Variants in SYNE1 observed in about 807,000 individuals in gnomAD.
SYNE1 encodes the protein nesprin-1.
Under a neutral mutation model 1,111.0 loss-of-function variants are expected in SYNE1, and 616 were observed. That is an observed-to-expected ratio of 0.55 (90% CI 0.52 to 0.59). SYNE1 has a LOEUF of 0.59. Among genes scored for constraint, SYNE1 ranks in the 20% least tolerant of loss-of-function variants. The probability of loss-of-function intolerance (pLI) is 0.00; values close to 1 mark genes in which losing one functional copy is unlikely to be tolerated. For missense variants in SYNE1, 10,006 were observed against 10,417.0 expected (o/e 0.96, Z 1.72); for synonymous variants, 3,855 against 3,825.8 (o/e 1.01, Z -0.28).
At chr6:152,624,547 G>A (rs1009570838) in intron 3 of SYNE1, among the ~76,000 whole-genome samples, 3 of 152,126 alleles carry the variant, frequency 2.0e-5, no homozygotes, top group Non-Finnish European at 4.4e-5. Context: ...TTGAATAGCA[G>A]AAAATGTATG....
In SYNE1 at chr6:152,490,455, T is replaced by C. The variant is rs567989225; in HGVS notation, c.940-1952A>G. The stretch of plus-strand genomic sequence containing the variant: ...TGCCTTAACCGATGACATTCCACCA[T>C]TGTGATTTGTTCCTGCCCCATCCTA... On this transcript the variant is annotated intron_variant, in intron 11 of 145. Coordinates refer to ENST00000367255, the MANE Select transcript of SYNE1 (RefSeq NM_182961.4). 1.1e-4 allele frequency among the ~76,000 whole-genome samples: 17 copies of C among 152,314 alleles called. No individual in the cohort carries two copies. The South Asian group carries it at 2.3e-3, about 20-fold the overall frequency.
chr6:152,595,314 T>C (rs1185251076), intron 3 of SYNE1, among the ~76,000 whole-genome samples: 1 of 152,246 alleles, frequency 6.6e-6, no homozygotes, highest in Admixed American at 6.5e-5. Context: ...GGATGTGAAC[T>C]TTTCAAGGCA....
intron 104 of SYNE1, 33 bp from the exon 105 acceptor site, chr6:152,249,295 G>T: frequency 8.6e-7 from 1 of 1,165,268 alleles, no homozygotes; most frequent in Non-Finnish European, 1.3e-6. Context: ...AACTCAAAAT[G>T]TGTAACAGGG....
In SYNE1 at chr6:152,391,040, C is replaced by T. The variant is rs116100380; in HGVS notation, c.8004+237G>A. On this transcript the variant is annotated intron_variant, in intron 52 of 145. Transcript: ENST00000367255. ...GGAGCAGAGTAGATATTCAGTAACG[C>T]TTGCTGAATATTTACTAAATCAAAT... is the stretch of plus-strand genomic sequence containing the variant. Among the ~76,000 whole-genome samples the T allele has an allele frequency of 4.7e-3, 713 of 152,284 alleles. 6 individuals carry two copies. Among genetic ancestry groups the T allele is most frequent in the African/African-American group, 0.016 (657 of 41,556 alleles).
At chr6:152,333,296 GA>G (rs1352547129) in intron 77 of SYNE1, among the ~76,000 whole-genome samples, 1 of 151,984 alleles carries the variant, frequency 6.6e-6, no homozygotes, top group Admixed American at 6.6e-5. Flanking sequence ...ACTCTTGTAA[GA>G]AAAAAACCTG....
At chr6:152,465,951 A>G (rs1343348010) in intron 17 of SYNE1, 31 bp downstream of exon 17, 1 of 1,461,694 alleles carries the variant, frequency 6.8e-7, no homozygotes, top group Non-Finnish European at 9.6e-7. Flanking sequence ...ACTGCAGTCT[A>G]CGTTGCAACA....
At chr6:152,189,769 A>T (rs1386237998) in intron 127 of SYNE1, among the ~76,000 whole-genome samples, 1 of 152,240 alleles carries the variant, frequency 6.6e-6, no homozygotes, top group Non-Finnish European at 1.5e-5. Context: ...CTGAGGCCTC[A>T]GCAAGTCATA....
chr6:152,201,057 C>A (rs1260284673), intron 127 of SYNE1, among the ~76,000 whole-genome samples: 1 of 152,086 alleles, frequency 6.6e-6, no homozygotes, highest in Non-Finnish European at 1.5e-5. Context: ...TACCCTAGAG[C>A]AATAATTTGC....
intron 22 of SYNE1, 29 bp from the exon 23 acceptor site, chr6:152,456,073 G>A: frequency 2.2e-5 from 35 of 1,606,252 alleles, no homozygotes; most frequent in Non-Finnish European, 2.9e-5. Flanking sequence ...CCACAACAAT[G>A]TTATTTACAA....
intron 118 of SYNE1, among the ~76,000 whole-genome samples, 183 bp from the exon 119 acceptor site, chr6:152,221,229 CTT>C (rs1245395872): frequency 1.3e-5 from 2 of 152,148 alleles, no homozygotes. Flanking sequence ...TGATGGCAAT[CTT>C]TGGGTGTACA....
intron 137 of SYNE1, chr6:152,144,874 T>A (rs2059192751): frequency 6.4e-6 from 1 of 156,502 alleles, no homozygotes; most frequent in South Asian, 1.9e-4. Context: ...CTTTAATTCT[T>A]CTTGTTTCAG....
At position 152,381,165 on chromosome 6, in the gene SYNE1, C is replaced by G; in HGVS notation, c.8850G>C (p.Gln2950His). ...AGAATTCCTGCTCCGAAAGGGCCATCTGGCTGACCAGGTTCTCCAAACAGC... is the reference window on the plus strand; with the variant it reads ...AGAATTCCTGCTCCGAAAGGGCCATGTGGCTGACCAGGTTCTCCAAACAGC... ...TQSCLENLVS[Q>H]MALSEQEFSG... The change falls in exon 56 of 146, where the codon CAG becomes CAC. Residue 2950 changes from glutamine to histidine, a missense_variant. Gln to His is a conservative substitution (Grantham distance 24). Coordinates refer to ENST00000367255, the MANE Select transcript of SYNE1 (RefSeq NM_182961.4). The G allele has an allele frequency of 6.2e-7, 1 of 1,614,244 alleles. No homozygotes were observed. The highest frequency in any genetic ancestry group is 1.1e-5 in the South Asian group (1 of 91,090).
intron 33 of SYNE1, chr6:152,435,708 A>G (rs1023226898): frequency 1.7e-6 from 1 of 585,836 alleles, no homozygotes; most frequent in Non-Finnish European, 3.0e-6. Flanking sequence ...TCTCATGAAC[A>G]TGATCAGTTT....
chr6:152,418,824 T>G (rs1272202035), intron 40 of SYNE1, among the ~76,000 whole-genome samples: 1 of 152,224 alleles, frequency 6.6e-6, no homozygotes. Context: ...CCATCTGTAA[T>G]TCTGAGGTGT....
chr6:152,191,540 A>G (rs2072382866), intron 127 of SYNE1, among the ~76,000 whole-genome samples: 1 of 152,062 alleles, frequency 6.6e-6, no homozygotes, highest in African/African-American at 2.4e-5. Context: ...CATTTCTTCT[A>G]GGTTTCCCAA....
chr6:152,576,993 C>G (rs1446952889), intron 3 of SYNE1, among the ~76,000 whole-genome samples: 1 of 152,144 alleles, frequency 6.6e-6, no homozygotes, highest in Non-Finnish European at 1.5e-5. Context: ...AAAATGCCAG[C>G]TTTTATTGTC....
At position 152,211,564 on chromosome 6, in the gene SYNE1, G is replaced by T. The variant is rs141278167; in HGVS notation, c.22519C>A (p.Arg7507Ser). ...ATGATTGAGTGCAAAATCTGCTGAC[G>T]ACTGAACATCTCGGCTTGAAACAAC... ...HELFQAEMFS[R>S]QQILHSIIID... The change falls in exon 124 of 146, where the codon CGT (arginine) becomes AGT (serine). Residue 7507 changes from arginine (R) to serine (S), a missense_variant. Transcript: ENST00000367255. The T allele has an allele frequency of 1.2e-6, 2 of 1,613,666 alleles. No homozygotes were observed. Among genetic ancestry groups the T allele is most frequent in the South Asian group, 2.2e-5 (2 of 91,040 alleles).
chr6:152,153,499 A>C (rs1015081679), intron 133 of SYNE1, among the ~76,000 whole-genome samples: 1 of 152,272 alleles, frequency 6.6e-6, no homozygotes, highest in Non-Finnish European at 1.5e-5. Flanking sequence ...GAAGCTAACT[A>C]TAAGGCTAAC....
chr6:152,219,670 T>C (rs1321167721), intron 119 of SYNE1, among the ~76,000 whole-genome samples: 2 of 152,232 alleles, frequency 1.3e-5, no homozygotes, highest in African/African-American at 2.4e-5. Flanking sequence ...CTTCTATATG[T>C]GTGGTCACAT....
Sources: allele counts gnomAD v4.1 joint callset (sites outside exome capture counted in the v4.1 genomes callset), GRCh38; gene constraint gnomAD v4.1.1; transcripts MANE v1.5; gene names NCBI Gene and HGNC (gene_info 2026-07-23, HGNC 2026-07-21).